The following MOCOS variants were observed in gnomAD, a reference collection of about 807,000 sequenced individuals.
The protein encoded by MOCOS is molybdenum cofactor sulfurase.
MOCOS carries 86 observed loss-of-function variants against 83.6 expected under a neutral mutation model. The ratio of observed to expected loss-of-function variants is 1.03; its 90% CI spans 0.86 to 1.23. The LOEUF is 1.23. Among genes scored for constraint, MOCOS ranks in the 50% most tolerant of loss-of-function variants. The probability of loss-of-function intolerance (pLI) is 0.00; values close to 1 mark genes in which losing one functional copy is unlikely to be tolerated. For missense variants in MOCOS, 1,120 were observed against 1,126.9 expected, an observed-to-expected ratio of 0.99 and a Z score of 0.09; for synonymous variants, 445 against 434.7, an observed-to-expected ratio of 1.02 and a Z score of -0.29.
chr18:36,230,641 G>C (rs2091534428), intron 9 of MOCOS, among the ~76,000 whole-genome samples: 1 of 152,204 alleles, frequency 6.6e-6, no homozygotes, highest in Non-Finnish European at 1.5e-5. Flanking sequence ...AGACTGAGAA[G>C]ACAGAAGCCA....
In MOCOS at chr18:36,266,794, C is replaced by G. The variant is rs1215312495; in HGVS notation, c.2455C>G (p.Gln819Glu). Residue 819 changes from glutamine to glutamate, a missense_variant, in exon 14 of 15, where the codon CAA (glutamine) becomes GAA (glutamate). Transcript: ENST00000261326. Reference protein sequence around the residue: ...HRCQMICIDQQTGQRNQHVFQ... With the variant: ...HRCQMICIDQETGQRNQHVFQ... ...ATGCCAGATGATTTGCATCGACCAGCAAACTGGGCAACGAAACCAGCATGT... is the reference window on the plus strand; with the variant it reads ...ATGCCAGATGATTTGCATCGACCAGGAAACTGGGCAACGAAACCAGCATGT... The G allele has an allele frequency of 6.2e-7, 1 of 1,614,100 alleles. No homozygotes were observed.
At chr18:36,212,453 G>A (rs1209009524) in intron 6 of MOCOS, among the ~76,000 whole-genome samples, 4 of 152,130 alleles carry the variant, frequency 2.6e-5, no homozygotes, top group African/African-American at 7.2e-5. Context: ...GATGGAGTTG[G>A]CCAGGCCCAG....
Position 36,200,060 on chromosome 18 carries a change from C to A in MOCOS, c.677C>A (p.Pro226His). ...GAGGTCAAGTCTGGGCGGTTGCACC[C>A]TGTGAGCACGCCTGGGAAGTGGTTT... ...IEEVKSGRLHPVSTPGKWFVL... is the reference protein window; with the variant it reads ...IEEVKSGRLHHVSTPGKWFVL... Residue 226 changes from proline to histidine, a missense_variant, in exon 4 of 15, where the codon CCT (proline) becomes CAT (histidine). Physicochemically the swap from Pro to His is moderately conservative, Grantham distance 77. Coordinates refer to ENST00000261326, the MANE Select transcript of MOCOS (RefSeq NM_017947.4). 6.2e-7 allele frequency: 1 copy of A among 1,614,182 alleles called. No homozygotes were observed. The highest frequency in any genetic ancestry group is 8.5e-7 in the Non-Finnish European group (1 of 1,180,014).
At chr18:36,258,014 G>GAGAGCAAA (rs1478206380) in intron 12 of MOCOS, among the ~76,000 whole-genome samples, 1 of 152,162 alleles carries the variant, frequency 6.6e-6, no homozygotes, top group Non-Finnish European at 1.5e-5. Flanking sequence ...CGCTATCTTT[G>GAGAGCAAA]AGAGCAAAAG....
intron 8 of MOCOS, among the ~76,000 whole-genome samples, chr18:36,217,504 C>T (rs1289420152): frequency 6.6e-6 from 1 of 152,068 alleles, no homozygotes; most frequent in Non-Finnish European, 1.5e-5. Context: ...GTGGTTGGAA[C>T]TCTGAACCTT....
Position 36,236,968 on chromosome 18 carries a change from T to C in MOCOS, c.1961-11954T>C, listed in dbSNP as rs529937129. On this transcript the variant is annotated intron_variant, in intron 9 of 14. Transcript: ENST00000261326. ...TGGTGTGTAGGAATGCTTGTGATTTTTGCACATTGATTTTGTATCCTGAGA... is the reference window on the plus strand; with the variant it reads ...TGGTGTGTAGGAATGCTTGTGATTTCTGCACATTGATTTTGTATCCTGAGA... Among the ~76,000 whole-genome samples, 489 of 152,244 alleles carry C rather than the reference T, an allele frequency of 3.2e-3. 1 individual carries two copies. Among genetic ancestry groups the C allele is most frequent in the Non-Finnish European group, 4.7e-3 (318 of 68,030 alleles).
chr18:36,210,850 C>CAAAGAAAAAA (rs2091452482), intron 6 of MOCOS, among the ~76,000 whole-genome samples: 1 of 48,070 alleles, frequency 2.1e-5, no homozygotes, highest in Non-Finnish European at 3.5e-5. Flanking sequence ...GACTCTGTCT[C>CAAAGAAAAAA]AAAAAAAAAA....
chr18:36,253,368 C>T (rs2091628987), intron 11 of MOCOS, among the ~76,000 whole-genome samples: 1 of 152,006 alleles, frequency 6.6e-6, no homozygotes, highest in South Asian at 2.1e-4. Flanking sequence ...GGAGCTGCAA[C>T]TTAAAAGGAG....
At position 36,271,757 on chromosome 18, in the gene MOCOS, A is replaced by G. The variant is rs750920906; in HGVS notation, c.*3072A>G. On this transcript the variant is annotated 3_prime_UTR_variant, in exon 15 of 15. Transcript: ENST00000261326. Reference sequence around the variant, plus strand: ...CTTTTGCATAGTTTGGTGAGCATCAAGAATCCTTTAAGGAGGGTGGCGGTG... The same window carrying G: ...CTTTTGCATAGTTTGGTGAGCATCAGGAATCCTTTAAGGAGGGTGGCGGTG... 1.3e-5 allele frequency: 2 copies of G among 152,214 alleles called. No homozygotes were observed. Among genetic ancestry groups the G allele is most frequent in the African/African-American group, 4.8e-5 (2 of 41,466 alleles). The allele number at this position is 152,214 out of a possible 1,614,324, so 9.4% of individuals were successfully genotyped here.
At chr18:36,258,395 T>G (rs980475058) in intron 12 of MOCOS, among the ~76,000 whole-genome samples, 48 of 152,296 alleles carry the variant, frequency 3.2e-4, no homozygotes, top group African/African-American at 1.2e-3. Context: ...AAGTGAGGGT[T>G]TATAACCCAG....
intron 9 of MOCOS, among the ~76,000 whole-genome samples, chr18:36,225,430 G>A (rs369462308): frequency 6.6e-5 from 10 of 152,272 alleles, no homozygotes; most frequent in African/African-American, 1.7e-4. Flanking sequence ...GATTACAAGC[G>A]TGAGCCACTG....
At chr18:36,260,681 T>A (rs910699258) in intron 13 of MOCOS, among the ~76,000 whole-genome samples, 2 of 152,118 alleles carry the variant, frequency 1.3e-5, no homozygotes, top group African/African-American at 2.4e-5. Flanking sequence ...GTCCCTGGCT[T>A]TGGACTCCCA....
At chr18:36,209,504 C>G (rs370575104) in intron 6 of MOCOS, among the ~76,000 whole-genome samples, 3 of 152,118 alleles carry the variant, frequency 2.0e-5, no homozygotes. Context: ...ACCCTTCCCC[C>G]CTGAGTCCCC....
intron 4 of MOCOS, among the ~76,000 whole-genome samples, chr18:36,202,328 AT>A (rs1342060233): frequency 6.6e-6 from 1 of 152,156 alleles, no homozygotes; most frequent in Non-Finnish European, 1.5e-5. Flanking sequence ...AGTTTAACAA[AT>A]TTTTTTGTAG....
At position 36,270,291 on chromosome 18, in the gene MOCOS, C is replaced by G. The variant is rs566542164; in HGVS notation, c.*1606C>G. ...GCCCTAAAGTAATGGATTTATCCAC[C>G]TACTCAGGCCAGTTTCATGCAGGAG... On this transcript the variant is annotated 3_prime_UTR_variant, in exon 15 of 15. Coordinates refer to ENST00000261326, the MANE Select transcript of MOCOS (RefSeq NM_017947.4). 5 of 152,290 alleles carry G rather than the reference C, an allele frequency of 3.3e-5. No homozygotes were observed. The highest frequency in any genetic ancestry group is 1.2e-4 in the African/African-American group (5 of 41,532). The allele number at this position is 152,290 out of a possible 1,614,324, so 9.4% of individuals were successfully genotyped here. A position where few individuals can be genotyped will look rare whatever the true frequency, so the allele number is the denominator to read the frequency against.
At chr18:36,229,473 G>C (rs1270098288) in intron 9 of MOCOS, among the ~76,000 whole-genome samples, 1 of 152,042 alleles carries the variant, frequency 6.6e-6, no homozygotes, top group Non-Finnish European at 1.5e-5. Context: ...ATGTGTCTTG[G>C]CGTGGATTTT....
intron 4 of MOCOS, 42 bp from the exon 5 acceptor site, chr18:36,203,071 T>C (rs1355612753): frequency 6.3e-7 from 1 of 1,577,428 alleles, no homozygotes; most frequent in Admixed American, 1.7e-5. Context: ...ATGGATTGTT[T>C]TGACCACAGC....
intron 9 of MOCOS, among the ~76,000 whole-genome samples, chr18:36,240,996 G>T (rs563858933): frequency 6.6e-6 from 1 of 151,976 alleles, no homozygotes; most frequent in South Asian, 2.1e-4. Context: ...TTCGGCTCGC[G>T]CACGGTGCGT....
At chr18:36,265,740 G>GATAT (rs35832849) in intron 13 of MOCOS, among the ~76,000 whole-genome samples, 169 of 149,450 alleles carry the variant, frequency 1.1e-3, no homozygotes, top group African/African-American at 3.1e-3. Context: ...GGTACGTATG[G>GATAT]ATATATATAT....
Sources: gnomAD v4.1 joint callset for allele counts (sites outside exome capture counted in the v4.1 genomes callset) on GRCh38, gnomAD v4.1.1 for gene constraint, MANE v1.5 for transcripts, NCBI Gene and HGNC (gene_info 2026-07-23, HGNC 2026-07-21) for gene names.